PDZRN3: variants seen among roughly 807,000 people sequenced by gnomAD.
PDZRN3 encodes PDZ domain containing ring finger 3.
Under a neutral mutation model 85.7 loss-of-function variants are expected in PDZRN3, and 38 were observed. The observed-to-expected ratio is 0.44, with a 90% CI of 0.34 to 0.58. The LOEUF (loss-of-function observed/expected upper bound fraction) is 0.58, where lower values mean the gene tolerates loss of function less well. Among genes scored for constraint, PDZRN3 ranks in the 20% least tolerant of loss-of-function variants. The pLI, the probability that PDZRN3 is intolerant of heterozygous loss-of-function variation, is 0.01. For missense variants in PDZRN3, 1,629 were observed against 1,506.4 expected, an observed-to-expected ratio of 1.08 and a Z score of -1.35; for synonymous variants, 759 against 638.0, an observed-to-expected ratio of 1.19 and a Z score of -2.86.
At chr3:73,529,383 G>T (rs775897169) in intron 3 of PDZRN3, among the ~76,000 whole-genome samples, 3 of 152,192 alleles carry the variant, frequency 2.0e-5, no homozygotes, top group Non-Finnish European at 4.4e-5. Flanking sequence ...ATCCAGGGCT[G>T]CAAACAGGTG....
At chr3:73,543,202 G>T (rs1266285010) in intron 3 of PDZRN3, among the ~76,000 whole-genome samples, 1 of 152,234 alleles carries the variant, frequency 6.6e-6, no homozygotes, top group Non-Finnish European at 1.5e-5. Context: ...CAAAGGATTT[G>T]GTTTTAGCAG....
intron 3 of PDZRN3, among the ~76,000 whole-genome samples, chr3:73,426,331 C>G (rs920357145): frequency 2.0e-5 from 3 of 151,710 alleles, no homozygotes. Flanking sequence ...ATACTGGTGC[C>G]AATGATATTC....
intron 3 of PDZRN3, among the ~76,000 whole-genome samples, chr3:73,587,160 A>G (rs964492984): frequency 2.6e-5 from 4 of 152,238 alleles, no homozygotes; most frequent in Admixed American, 2.6e-4. Context: ...ACTGCCCTTT[A>G]GTGAGCCATG....
intron 3 of PDZRN3, among the ~76,000 whole-genome samples, chr3:73,499,611 G>C (rs1043660240): frequency 6.6e-6 from 1 of 152,168 alleles, no homozygotes; most frequent in Admixed American, 6.5e-5. Flanking sequence ...CTAGTCAATC[G>C]CTAGATAAGA....
At chr3:73,461,039 C>A (rs575143948) in intron 3 of PDZRN3, among the ~76,000 whole-genome samples, 1 of 152,130 alleles carries the variant, frequency 6.6e-6, no homozygotes, top group African/African-American at 2.4e-5. Flanking sequence ...GGTGATCAAG[C>A]CACCTTGGCC....
At chr3:73,555,743 G>A (rs1270752809) in intron 3 of PDZRN3, among the ~76,000 whole-genome samples, 1 of 152,192 alleles carries the variant, frequency 6.6e-6, no homozygotes, top group African/African-American at 2.4e-5. Context: ...GAACTTTGGA[G>A]AGGTGAAAGG....
At position 73,383,935 on chromosome 3, in the gene PDZRN3, G is replaced by T. The variant is rs548400607; in HGVS notation, c.2631C>A (p.Ala877=). 1 of 1,607,128 alleles carries T rather than the reference G, an allele frequency of 6.2e-7. No individual in the cohort carries two copies. The highest frequency in any genetic ancestry group is 8.5e-7 in the Non-Finnish European group (1 of 1,177,056). Residue 877 remains alanine (A), a synonymous_variant, in exon 10 of 10, where the codon GCC becomes GCA. Coordinates refer to ENST00000263666, the MANE Select transcript of PDZRN3 (RefSeq NM_015009.3). The part of the protein sequence containing the change: ...PYKHAHIPAH[A]QHYQSYMQLI... Reference sequence around the variant, plus strand: ...GCTGCATGTAGCTCTGGTAGTGCTGGGCGTGCGCCGGGATGTGCGCGTGCT... The same window carrying T: ...GCTGCATGTAGCTCTGGTAGTGCTGTGCGTGCGCCGGGATGTGCGCGTGCT...
intron 3 of PDZRN3, among the ~76,000 whole-genome samples, chr3:73,522,966 C>T (rs1012167351): frequency 3.9e-5 from 6 of 152,292 alleles, no homozygotes; most frequent in Middle Eastern, 3.4e-3. Context: ...GATGTTCTAG[C>T]CAATGAAATA....
At chr3:73,426,295 C>A (rs1221521015) in intron 3 of PDZRN3, among the ~76,000 whole-genome samples, 2 of 151,784 alleles carry the variant, frequency 1.3e-5, no homozygotes, top group Non-Finnish European at 2.9e-5. Context: ...CCACTCAAAT[C>A]AAGACCAGTG....
At chr3:73,475,723 T>C (rs1478049139) in intron 3 of PDZRN3, among the ~76,000 whole-genome samples, 2 of 151,902 alleles carry the variant, frequency 1.3e-5, no homozygotes, top group African/African-American at 2.4e-5. Context: ...GGGGTTGCTA[T>C]ATACTTTTAG....
intron 3 of PDZRN3, among the ~76,000 whole-genome samples, chr3:73,565,539 T>C (rs562432279): frequency 6.6e-6 from 1 of 152,282 alleles, no homozygotes; most frequent in Admixed American, 6.5e-5. Context: ...GAATGTTGTC[T>C]CTAAGGATTA....
intron 3 of PDZRN3, among the ~76,000 whole-genome samples, chr3:73,406,613 C>T (rs995900533): frequency 4.6e-5 from 7 of 152,148 alleles, no homozygotes; most frequent in Admixed American, 3.3e-4. Flanking sequence ...CTTGCACCAA[C>T]GTTAGTTATA....
At chr3:73,389,406 C>T (rs1040902318) in intron 7 of PDZRN3, among the ~76,000 whole-genome samples, 6 of 152,210 alleles carry the variant, frequency 3.9e-5, no homozygotes, top group South Asian at 4.1e-4. Context: ...CTTTTATGGA[C>T]GAGCCTCTGA....
At position 73,584,452 on chromosome 3, in the gene PDZRN3, GGTGTGTGTGTGTGT is replaced by G. The variant is rs56393203; in HGVS notation, c.918+17888_918+17901del. ...CAAGTTAAGTGGTGCTTCATTTAATGGTGTGTGTGTGTGTGTGTGTGTGTGTGTGTGTGTGTGTG... is the reference window on the plus strand; with the variant it reads ...CAAGTTAAGTGGTGCTTCATTTAATGGTGTGTGTGTGTGTGTGTGTGTGTG... On this transcript the variant is annotated intron_variant, in intron 3 of 9. Transcript: ENST00000263666. 4.0e-3 allele frequency among the ~76,000 whole-genome samples: 338 copies of G among 83,986 alleles called. 1 individual carries two copies. The highest frequency in any genetic ancestry group is 6.1e-3 in the Non-Finnish European group (245 of 40,142). The allele number at this position is 83,986 out of a possible 152,430, so 55.1% of individuals were successfully genotyped here.
At chr3:73,513,887 A>G (rs899429314) in intron 3 of PDZRN3, among the ~76,000 whole-genome samples, 11 of 152,258 alleles carry the variant, frequency 7.2e-5, no homozygotes, top group African/African-American at 2.7e-4. Flanking sequence ...AGAGATGACA[A>G]AATAGAAGAA....
At chr3:73,515,577 A>G (rs912659068) in intron 3 of PDZRN3, among the ~76,000 whole-genome samples, 2 of 152,144 alleles carry the variant, frequency 1.3e-5, no homozygotes, top group Non-Finnish European at 2.9e-5. Context: ...CAGAATCTCT[A>G]TTTCAAATTT....
chr3:73,586,249 T>G (rs919960247), intron 3 of PDZRN3, among the ~76,000 whole-genome samples: 1 of 152,150 alleles, frequency 6.6e-6, no homozygotes, highest in Non-Finnish European at 1.5e-5. Flanking sequence ...GGGAGAGATA[T>G]CTATTTTAAC....
chr3:73,596,569 T>C (rs1001957341), intron 3 of PDZRN3, among the ~76,000 whole-genome samples: 4 of 152,260 alleles, frequency 2.6e-5, no homozygotes, highest in Non-Finnish European at 4.4e-5. Flanking sequence ...CCTGTCATTA[T>C]GTACTGAGAA....
chr3:73,592,382 G>C (rs1354998609), intron 3 of PDZRN3, among the ~76,000 whole-genome samples: 1 of 114,092 alleles, frequency 8.8e-6, no homozygotes, highest in Non-Finnish European at 2.1e-5. Flanking sequence ...GAGGGGTGTG[G>C]GAGTGCCTAG....
Sources: gnomAD v4.1 joint callset for allele counts (sites outside exome capture counted in the v4.1 genomes callset) on GRCh38, gnomAD v4.1.1 for gene constraint, MANE v1.5 for transcripts, NCBI Gene and HGNC (gene_info 2026-07-23, HGNC 2026-07-21) for gene names.